The following BBS1 variants were observed in gnomAD, a reference collection of about 807,000 sequenced individuals.
BBS1 encodes the protein Bardet-Biedl syndrome 1.
BBS1 carries 60 observed loss-of-function variants against 73.9 expected under a neutral mutation model. That is an observed-to-expected ratio of 0.81 (90% CI 0.66 to 1.01). BBS1 has a LOEUF of 1.01. BBS1 is among the 50% of genes least tolerant of loss of function. The pLI is 0.00. For missense variants in BBS1, 718 were observed against 770.3 expected, an observed-to-expected ratio of 0.93 and a Z score of 0.80; for synonymous variants, 283 against 317.4, an observed-to-expected ratio of 0.89 and a Z score of 1.15.
rs770545908 is a variant in BBS1, at chr11:66,515,939, A to AC, written c.591+11dup. ...CCAACTCCATCAAGCGGCAGGTAAT[A>AC]CCCCCTTCTCTTTTTATTTCCCTGT... is the stretch of plus-strand genomic sequence containing the variant. On this transcript the variant is annotated splice_region_variant and intron_variant, in intron 7 of 16. Coordinates refer to ENST00000318312, the MANE Select transcript of BBS1 (RefSeq NM_024649.5). The AC allele has an allele frequency of 6.2e-7, 1 of 1,613,776 alleles. No homozygotes were observed. The highest frequency in any genetic ancestry group is 8.5e-7 in the Non-Finnish European group (1 of 1,179,866).
chr11:66,519,986 A>T, intron 8 of BBS1: 1 of 433,176 alleles, frequency 2.3e-6, no homozygotes, highest in Non-Finnish European at 4.2e-6. Context: ...ACTTTATGTA[A>T]ATATTTCTCT....
intron 13 of BBS1, chr11:66,527,520 T>G (rs1390458706): frequency 1.7e-5 from 3 of 176,934 alleles, no homozygotes; most frequent in Non-Finnish European, 3.6e-5. Flanking sequence ...AATACAAACA[T>G]TAGCCAGGCG....
intron 13 of BBS1, 83 bp from the exon 14 acceptor site, chr11:66,529,736 A>T: frequency 6.4e-7 from 1 of 1,557,046 alleles, no homozygotes; most frequent in Non-Finnish European, 8.8e-7. Context: ...TCCCCACACC[A>T]ACCTGAGCAG....
intron 7 of BBS1, among the ~76,000 whole-genome samples, chr11:66,516,465 G>A (rs377481842): frequency 4.6e-5 from 7 of 152,070 alleles, no homozygotes; most frequent in East Asian, 3.9e-4. Context: ...CATTTGGGAT[G>A]GGAATAGTTA....
At chr11:66,517,123 C>T (rs1024536226) in intron 7 of BBS1, among the ~76,000 whole-genome samples, 3 of 151,016 alleles carry the variant, frequency 2.0e-5, no homozygotes, top group African/African-American at 4.9e-5. Context: ...GGCGTTAACC[C>T]GGGAGGCGGA....
At chr11:66,518,606 C>T (rs1160422744) in intron 7 of BBS1, among the ~76,000 whole-genome samples, 2 of 152,114 alleles carry the variant, frequency 1.3e-5, no homozygotes, top group African/African-American at 4.8e-5. Context: ...GCTGGGATTA[C>T]AGGTGCATGC....
chr11:66,519,941 C>G (rs1366949982), intron 8 of BBS1, 193 bp downstream of exon 8: 21 of 589,502 alleles, frequency 3.6e-5, no homozygotes, highest in South Asian at 3.4e-4. Context: ...GCATAGGTCT[C>G]TCTAGACATT....
At position 66,530,982 on chromosome 11, in the gene BBS1, T is replaced by G. The variant is rs778413960; in HGVS notation, c.1562T>G (p.Phe521Cys). ...TRPVLGLLVC[F>C]LYNEALYSLP... is the part of the protein sequence containing the mutation. Reference sequence around the variant, plus strand: ...CCTGTCCTGGGGCTGCTGGTCTGCTTCCTGTACAACGAGGCGCTCTATTCC... The same window carrying G: ...CCTGTCCTGGGGCTGCTGGTCTGCTGCCTGTACAACGAGGCGCTCTATTCC... The change falls in exon 15 of 17, where the codon TTC becomes TGC. Residue 521 changes from phenylalanine to cysteine, a missense_variant. Physicochemically the swap from Phe to Cys is radical, Grantham distance 205. Coordinates refer to ENST00000318312, the MANE Select transcript of BBS1 (RefSeq NM_024649.5). 12 of 1,614,104 alleles carry G rather than the reference T, an allele frequency of 7.4e-6. No homozygotes were observed. The South Asian group carries it at 1.2e-4, about 16-fold the overall frequency.
intron 1 of BBS1, 33 bp from the exon 2 acceptor site, chr11:66,510,980 C>G (rs371648593): frequency 6.2e-7 from 1 of 1,610,920 alleles, no homozygotes; most frequent in African/African-American, 1.3e-5. Flanking sequence ...TCCCATGGGA[C>G]TCACTCCCCA....
chr11:66,524,125 C>A, intron 11 of BBS1: 3 of 533,212 alleles, frequency 5.6e-6, no homozygotes, highest in Non-Finnish European at 1.0e-5. Flanking sequence ...ACTAAAAATA[C>A]AAAAATTAGC....
At chr11:66,516,400 A>G (rs1259000659) in intron 7 of BBS1, among the ~76,000 whole-genome samples, 2 of 152,168 alleles carry the variant, frequency 1.3e-5, no homozygotes, top group East Asian at 3.8e-4. Flanking sequence ...TGCTCAGATT[A>G]CAGGTGTGAG....
intron 14 of BBS1, 133 bp from the exon 15 acceptor site, chr11:66,530,761 T>C: frequency 7.5e-7 from 1 of 1,328,596 alleles, no homozygotes; most frequent in Non-Finnish European, 1.1e-6. Flanking sequence ...TCTGGTCTTC[T>C]GTGTCTGCTG....
chr11:66,525,305 A>T (rs1384678671), intron 11 of BBS1, among the ~76,000 whole-genome samples: 2 of 151,334 alleles, frequency 1.3e-5, no homozygotes, highest in African/African-American at 4.9e-5. Flanking sequence ...GTTGCAGTGA[A>T]CTGAGATCGC....
intron 13 of BBS1, chr11:66,529,413 C>G: frequency 9.4e-7 from 1 of 1,061,994 alleles, no homozygotes; most frequent in Non-Finnish European, 1.4e-6. Context: ...CTGCTGGAGA[C>G]ACATGCACAA....
intron 16 of BBS1, 27 bp from the exon 17 acceptor site, chr11:66,531,924 C>T: frequency 6.4e-7 from 1 of 1,569,822 alleles, no homozygotes; most frequent in Non-Finnish European, 8.6e-7. Flanking sequence ...GTGTATGCCC[C>T]CTGCTGCCAT....
In BBS1 at chr11:66,514,585, T is replaced by C. The variant is rs754412005; in HGVS notation, c.339T>C (p.Tyr113=). Residue 113 remains tyrosine, a synonymous_variant, in exon 4 of 17, where the codon TAT becomes TAC. Transcript: ENST00000318312. ...ALALASGPCV[Y]VYKNLRPYFK... ...CACTTGCTTCAGGCCCTTGTGTCTA[T>C]GTGTATAAGAATCTCAGACCCTACT... 11 of 1,613,918 alleles carry C rather than the reference T, an allele frequency of 6.8e-6. No homozygotes were observed. The highest frequency in any genetic ancestry group is 6.8e-6 in the Non-Finnish European group (8 of 1,180,036).
intron 12 of BBS1, 121 bp from the exon 13 acceptor site, chr11:66,526,528 G>C: frequency 8.0e-7 from 1 of 1,252,984 alleles, no homozygotes; most frequent in East Asian, 2.3e-5. Flanking sequence ...AAACAGTCTC[G>C]TCTGGAAGAC....
At position 66,530,652 on chromosome 11, in the gene BBS1, G is replaced by A. The variant is rs576332689; in HGVS notation, c.1474-242G>A. Among the ~76,000 whole-genome samples the A allele has an allele frequency of 5.3e-5, 8 of 152,292 alleles. No individual in the cohort carries two copies. In the East Asian group the frequency reaches 1.5e-3, roughly 29 times the overall value. On this transcript the variant is annotated intron_variant, in intron 14 of 16. Transcript: ENST00000318312. ...GTGGGGGTGAGGGGCTCAGGTGAGA[G>A]TCGGGGCCTGCAGTCCCAGGCCAGC...
intron 7 of BBS1, among the ~76,000 whole-genome samples, chr11:66,516,296 T>G (rs1856049066): frequency 6.6e-6 from 1 of 152,160 alleles, no homozygotes; most frequent in African/African-American, 2.4e-5. Context: ...CAGCTAATTT[T>G]TGTATTTTTA....
Sources: allele counts gnomAD v4.1 joint callset (sites outside exome capture counted in the v4.1 genomes callset), GRCh38; gene constraint gnomAD v4.1.1; transcripts MANE v1.5; gene names NCBI Gene and HGNC (gene_info 2026-07-23, HGNC 2026-07-21).